The following HPSE2 variants were observed in gnomAD, a reference collection of about 807,000 sequenced individuals.
HPSE2 encodes the protein heparanase 2 (inactive).
HPSE2 carries 38 observed loss-of-function variants against 60.5 expected under a neutral mutation model. That is an observed-to-expected ratio of 0.63 (90% CI 0.48 to 0.82). The LOEUF (loss-of-function observed/expected upper bound fraction) is 0.82. HPSE2 is among the 40% of genes least tolerant of loss of function. The pLI is 0.00. For missense variants in HPSE2, 713 were observed against 740.4 expected (o/e 0.96, Z 0.43); for synonymous variants, 295 against 293.2 (o/e 1.01, Z -0.06).
intron 5 of HPSE2, among the ~76,000 whole-genome samples, chr10:98,718,405 A>G (rs1484007233): frequency 6.6e-6 from 1 of 152,176 alleles, no homozygotes; most frequent in African/African-American, 2.4e-5. Context: ...AACTACCTCA[A>G]TAAAAAAGCT....
rs1347849776 is a variant in HPSE2 at position 99,091,354 on chromosome 10, T to C, written c.610+52884A>G. ...AAACTAAACCTTGTGAAAAAGAGAATAAATAACACTATGTTATTTGTTCAA... is the reference window on the plus strand; with the variant it reads ...AAACTAAACCTTGTGAAAAAGAGAACAAATAACACTATGTTATTTGTTCAA... On this transcript the variant is annotated intron_variant, in intron 3 of 11. Coordinates refer to ENST00000370552, the MANE Select transcript of HPSE2 (RefSeq NM_021828.5). 4.6e-5 allele frequency among the ~76,000 whole-genome samples: 7 copies of C among 152,152 alleles called. No individual in the cohort carries two copies. In the East Asian group the frequency reaches 1.3e-3, roughly 29 times the overall value.
At chr10:98,848,539 T>C (rs567267302) in intron 3 of HPSE2, among the ~76,000 whole-genome samples, 16 of 152,316 alleles carry the variant, frequency 1.1e-4, no homozygotes, top group African/African-American at 3.8e-4. Flanking sequence ...GTTTGCTTAC[T>C]GTTTATATTC....
At chr10:98,980,092 G>T (rs960333878) in intron 3 of HPSE2, among the ~76,000 whole-genome samples, 1 of 152,068 alleles carries the variant, frequency 6.6e-6, no homozygotes, top group African/African-American at 2.4e-5. Flanking sequence ...GTTCTACAAC[G>T]CAGGACATAT....
intron 3 of HPSE2, among the ~76,000 whole-genome samples, chr10:99,045,879 T>A (rs1044715324): frequency 1.3e-5 from 2 of 152,116 alleles, no homozygotes; most frequent in Non-Finnish European, 2.9e-5. Flanking sequence ...CTGGAACAGA[T>A]GGATTCACAG....
chr10:98,942,319 G>A lies in HPSE2; in HGVS notation c.611-198263C>T, dbSNP rs892620184. Among the ~76,000 whole-genome samples, 15 of 143,230 alleles carry A rather than the reference G, an allele frequency of 1.0e-4. 2 individuals are homozygous for A. Among genetic ancestry groups the A allele is most frequent in the Admixed American group, 2.8e-4 (4 of 14,424 alleles). The allele number at this position is 143,230 out of a possible 152,430, so 94.0% of individuals were successfully genotyped here. A position where few individuals can be genotyped will look rare whatever the true frequency, so the allele number is the denominator to read the frequency against. On this transcript the variant is annotated intron_variant, in intron 3 of 11. Transcript: ENST00000370552. ...ACCTATAAAATGGGAGAAAATTTTC[G>A]CAACCTACTCATCTGACAAAGGGCT...
intron 3 of HPSE2, among the ~76,000 whole-genome samples, chr10:98,794,265 G>C (rs1380726605): frequency 6.8e-6 from 1 of 148,046 alleles, no homozygotes; most frequent in Non-Finnish European, 1.5e-5. Context: ...TTTTGAGACA[G>C]AGTCTCACTC....
chr10:99,037,871 T>C (rs576303831), intron 3 of HPSE2, among the ~76,000 whole-genome samples: 7 of 151,982 alleles, frequency 4.6e-5, no homozygotes, highest in African/African-American at 1.7e-4. Context: ...CACTTAGAAA[T>C]GGGCAAAAGA....
chr10:98,857,488 C>T (rs1241113072), intron 3 of HPSE2, among the ~76,000 whole-genome samples: 1 of 152,100 alleles, frequency 6.6e-6, no homozygotes, highest in African/African-American at 2.4e-5. Flanking sequence ...ACACCACAAA[C>T]TTGAATCATT....
At chr10:99,254,529 T>C in the HPSE2 span, among the ~76,000 whole-genome samples, 3 of 152,058 alleles carry the variant, frequency 2.0e-5, no homozygotes, top group African/African-American at 7.2e-5. Context: ...TACATGTACC[T>C]CCCAAATCTA....
At chr10:98,821,995 C>T (rs1005696561) in intron 3 of HPSE2, among the ~76,000 whole-genome samples, 1 of 152,118 alleles carries the variant, frequency 6.6e-6, no homozygotes, top group Non-Finnish European at 1.5e-5. Flanking sequence ...ATAACAATTG[C>T]ATTTTTTGCC....
At chr10:98,949,448 A>C (rs1322871667) in intron 3 of HPSE2, among the ~76,000 whole-genome samples, 1 of 152,308 alleles carries the variant, frequency 6.6e-6, no homozygotes, top group Non-Finnish European at 1.5e-5. Flanking sequence ...AGATGTAAAA[A>C]ATAGGAGCTG....
chr10:98,605,901 C>T (rs771594881), intron 9 of HPSE2, among the ~76,000 whole-genome samples: 104 of 152,290 alleles, frequency 6.8e-4, no homozygotes, highest in Non-Finnish European at 1.2e-3. Flanking sequence ...TCCTGTTGAG[C>T]GATGCTCTGC....
At chr10:98,553,106 C>T (rs1943908311) in intron 9 of HPSE2, among the ~76,000 whole-genome samples, 1 of 152,154 alleles carries the variant, frequency 6.6e-6, no homozygotes, top group Non-Finnish European at 1.5e-5. Flanking sequence ...CTTAATTTGA[C>T]ATGTGTGAGT....
At chr10:98,913,623 A>C (rs1342994341) in intron 3 of HPSE2, among the ~76,000 whole-genome samples, 10 of 152,166 alleles carry the variant, frequency 6.6e-5, no homozygotes, top group African/African-American at 2.4e-4. Flanking sequence ...TTCATTTTTG[A>C]GGAAAAAATG....
chr10:98,576,004 CTATT>C (rs1199032526), intron 9 of HPSE2, among the ~76,000 whole-genome samples: 1 of 152,016 alleles, frequency 6.6e-6, no homozygotes, highest in Admixed American at 6.6e-5. Flanking sequence ...TTTATTGTCA[CTATT>C]TAGCTAAAAA....
At chr10:99,276,950 C>T in the HPSE2 span, among the ~76,000 whole-genome samples, 2 of 152,122 alleles carry the variant, frequency 1.3e-5, no homozygotes, top group Non-Finnish European at 2.9e-5. Context: ...TTCTGTCACC[C>T]GCTTAGAATA....
At chr10:98,549,273 G>A (rs978533467) in intron 9 of HPSE2, among the ~76,000 whole-genome samples, 3 of 152,064 alleles carry the variant, frequency 2.0e-5, no homozygotes, top group African/African-American at 7.2e-5. Context: ...TTATATAGTT[G>A]TTGATAAAAT....
chr10:99,315,382 A>T, the HPSE2 span, among the ~76,000 whole-genome samples: 1 of 152,214 alleles, frequency 6.6e-6, no homozygotes, highest in Admixed American at 6.5e-5. Context: ...ATTTACTCAG[A>T]TATTAGACAA....
intron 3 of HPSE2, among the ~76,000 whole-genome samples, chr10:98,754,120 T>C (rs554140673): frequency 6.6e-6 from 1 of 152,190 alleles, no homozygotes; most frequent in East Asian, 1.9e-4. Flanking sequence ...AATAAAATGA[T>C]ACAAGAGCTG....
Sources: gnomAD v4.1 joint callset for allele counts (sites outside exome capture counted in the v4.1 genomes callset) on GRCh38, gnomAD v4.1.1 for gene constraint, MANE v1.5 for transcripts, NCBI Gene and HGNC (gene_info 2026-07-23, HGNC 2026-07-21) for gene names.